Variants in BTBD9 observed in about 807,000 individuals in gnomAD.
The protein encoded by BTBD9 is BTB domain containing 9, also known as BTB/POZ domain-containing protein 9.
A neutral mutation model predicts 64.3 loss-of-function variants in BTBD9; 49 were observed. The observed-to-expected ratio is 0.76, with a 90% confidence interval of 0.61 to 0.97. The LOEUF is 0.97. Among genes scored for constraint, BTBD9 ranks in the 50% least tolerant of loss-of-function variants. BTBD9 has a pLI of 0.00. For missense variants in BTBD9, 598 were observed against 762.1 expected (o/e 0.78, Z 2.53); for synonymous variants, 260 against 274.7 (o/e 0.95, Z 0.53).
At chr6:38,259,743 C>A (rs983411444) in intron 8 of BTBD9, among the ~76,000 whole-genome samples, 1 of 152,140 alleles carries the variant, frequency 6.6e-6, no homozygotes, top group Admixed American at 6.5e-5. Flanking sequence ...AATTACTAAA[C>A]CCATGCTACC....
At position 38,169,311 on chromosome 6, in the gene BTBD9, G is replaced by C. The variant is rs1280901669; in HGVS notation, c.*5674C>G. On this transcript the variant is annotated 3_prime_UTR_variant, in exon 11 of 11. Coordinates refer to ENST00000481247, the MANE Select transcript of BTBD9 (RefSeq NM_001099272.2). ...ACCCAGCAACTCAGGACTAGCAGCA[G>C]CCATCAGGGGCTGTGGTGCAGGAGC... The C allele has an allele frequency of 6.6e-6, 1 of 152,504 alleles. No individual in the cohort carries two copies. The highest frequency in any genetic ancestry group is 1.5e-5 in the Non-Finnish European group (1 of 68,256). The allele number at this position is 152,504 out of a possible 1,614,324, so 9.4% of individuals were successfully genotyped here. A position where few individuals can be genotyped will look rare whatever the true frequency, so the allele number is the denominator to read the frequency against.
At chr6:38,331,348 G>A (rs945371928) in intron 7 of BTBD9, among the ~76,000 whole-genome samples, 17 of 152,018 alleles carry the variant, frequency 1.1e-4, no homozygotes, top group African/African-American at 3.6e-4. Context: ...GAGTGGTGGC[G>A]CATGCCTGTA....
At chr6:38,317,934 C>CTT (rs34109121) in intron 7 of BTBD9, among the ~76,000 whole-genome samples, 17,864 of 128,670 alleles carry the variant, frequency 0.14, 1,955 homozygotes, top group East Asian at 0.39. Flanking sequence ...CTCAAAATAG[C>CTT]TTTTTTTTTT....
chr6:38,539,988 T>C (rs1248856835), intron 6 of BTBD9, among the ~76,000 whole-genome samples: 1 of 152,214 alleles, frequency 6.6e-6, no homozygotes, highest in African/African-American at 2.4e-5. Flanking sequence ...AGGGCAGGGA[T>C]GTTGATGTTA....
At chr6:38,361,884 A>C (rs1215662969) in intron 6 of BTBD9, among the ~76,000 whole-genome samples, 2 of 151,900 alleles carry the variant, frequency 1.3e-5, no homozygotes, top group African/African-American at 4.8e-5. Flanking sequence ...AAAAAAACAA[A>C]AACAACTCCA....
chr6:38,266,256 T>C (rs1428461895), intron 8 of BTBD9, among the ~76,000 whole-genome samples: 1 of 152,166 alleles, frequency 6.6e-6, no homozygotes, highest in Non-Finnish European at 1.5e-5. Flanking sequence ...TGATCTAGAC[T>C]TCATACTACA....
intron 9 of BTBD9, among the ~76,000 whole-genome samples, chr6:38,213,150 A>T (rs1762893182): frequency 6.6e-6 from 1 of 152,180 alleles, no homozygotes; most frequent in African/African-American, 2.4e-5. Flanking sequence ...GGATCACCAG[A>T]CGGTCTCAGA....
At chr6:38,238,763 G>A (rs570229649) in intron 9 of BTBD9, among the ~76,000 whole-genome samples, 3 of 152,086 alleles carry the variant, frequency 2.0e-5, no homozygotes, top group Non-Finnish European at 4.4e-5. Flanking sequence ...GTGAGCCACC[G>A]CGCCTGGCCG....
intron 7 of BTBD9, among the ~76,000 whole-genome samples, chr6:38,306,830 C>G (rs1762643788): frequency 6.6e-6 from 1 of 152,282 alleles, no homozygotes; most frequent in South Asian, 2.1e-4. Context: ...AAGGAAATAA[C>G]ACTTAGCAGT....
At chr6:38,277,337 C>T (rs973421313) in intron 8 of BTBD9, among the ~76,000 whole-genome samples, 2 of 145,068 alleles carry the variant, frequency 1.4e-5, no homozygotes, top group Non-Finnish European at 3.0e-5. Context: ...ATTTACAGAA[C>T]TTTTTTTTTT....
intron 6 of BTBD9, among the ~76,000 whole-genome samples, chr6:38,465,177 C>A (rs891701749): frequency 6.6e-6 from 1 of 151,924 alleles, no homozygotes; most frequent in Admixed American, 6.6e-5. Context: ...TGCCTGTAGT[C>A]CCAGCTACTT....
At chr6:38,329,859 G>A (rs534110909) in intron 7 of BTBD9, among the ~76,000 whole-genome samples, 8 of 151,868 alleles carry the variant, frequency 5.3e-5, no homozygotes, top group South Asian at 2.1e-4. Context: ...AGGCTGAAGC[G>A]GGAGAATTGC....
chr6:38,345,174 C>T (rs1192444763), intron 6 of BTBD9, 81 bp from the exon 7 acceptor site: 9 of 857,420 alleles, frequency 1.0e-5, no homozygotes, highest in Admixed American at 4.1e-5. Context: ...TAAGACACGT[C>T]ACCTAAACAT....
At position 38,545,824 on chromosome 6, in the gene BTBD9, C is replaced by T. The variant is rs867943106; in HGVS notation, c.1154+31776G>A. Among the ~76,000 whole-genome samples, 20 of 141,524 alleles carry T rather than the reference C, an allele frequency of 1.4e-4. 1 individual carries two copies. Among genetic ancestry groups the T allele is most frequent in the Non-Finnish European group, 2.0e-4 (13 of 65,842 alleles). The allele number at this position is 141,524 out of a possible 152,430, so 92.8% of individuals were successfully genotyped here. On this transcript the variant is annotated intron_variant, in intron 6 of 10. Transcript: ENST00000481247. ...GAATGAATTTTATATGTGACTAATGCTTTAATATTTAAAACACACACACAC... is the reference window on the plus strand; with the variant it reads ...GAATGAATTTTATATGTGACTAATGTTTTAATATTTAAAACACACACACAC...
At chr6:38,565,295 G>C (rs773749607) in intron 6 of BTBD9, among the ~76,000 whole-genome samples, 1 of 152,104 alleles carries the variant, frequency 6.6e-6, no homozygotes, top group Admixed American at 6.5e-5. Context: ...TTGTTGTAGG[G>C]AGATGTCCTG....
chr6:38,394,609 T>C (rs1256981647), intron 6 of BTBD9, among the ~76,000 whole-genome samples: 1 of 152,066 alleles, frequency 6.6e-6, no homozygotes, highest in African/African-American at 2.4e-5. Flanking sequence ...ACTAATATCC[T>C]ATTGGTTACA....
intron 6 of BTBD9, among the ~76,000 whole-genome samples, chr6:38,570,593 T>C (rs1775717949): frequency 6.6e-6 from 1 of 152,232 alleles, no homozygotes; most frequent in African/African-American, 2.4e-5. Context: ...TTCTGATTCC[T>C]TTTACATATT....
chr6:38,277,318 T>C lies in BTBD9; in HGVS notation c.1454+10954A>G, dbSNP rs568362001. Among the ~76,000 whole-genome samples the C allele has an allele frequency of 5.9e-5, 9 of 152,034 alleles. No homozygotes were observed. The East Asian group carries it at 1.7e-3, about 29-fold the overall frequency. On this transcript the variant is annotated intron_variant, in intron 8 of 10. Coordinates refer to ENST00000481247, the MANE Select transcript of BTBD9 (RefSeq NM_001099272.2). ...GTCAGAATTGTGCAATAAACAGACA[T>C]AGGCTTTTATTTACAGAACTTTTTT... is the stretch of plus-strand genomic sequence containing the variant.
At chr6:38,510,572 A>G (rs1772731694) in intron 6 of BTBD9, among the ~76,000 whole-genome samples, 1 of 152,244 alleles carries the variant, frequency 6.6e-6, no homozygotes, top group African/African-American at 2.4e-5. Flanking sequence ...TTAATGCTTT[A>G]TAAACTTTTA....
Sources: gnomAD v4.1 joint callset for allele counts (sites outside exome capture counted in the v4.1 genomes callset) on GRCh38, gnomAD v4.1.1 for gene constraint, MANE v1.5 for transcripts, NCBI Gene and HGNC (gene_info 2026-07-23, HGNC 2026-07-21) for gene names.